ROBO2: variants seen among roughly 807,000 people sequenced by gnomAD.
ROBO2 encodes roundabout guidance receptor 2.
In ROBO2, 53 loss-of-function variants were observed where a neutral mutation model predicts 160.8. The ratio of observed to expected loss-of-function variants is 0.33; its 90% CI spans 0.26 to 0.41. The LOEUF (loss-of-function observed/expected upper bound fraction) is 0.41, where lower values mean the gene tolerates loss of function less well. ROBO2 is among the 10% of genes least tolerant of loss of function. The pLI, the probability that ROBO2 is intolerant of heterozygous loss-of-function variation, is 1.00. For missense variants in ROBO2, 1,577 were observed against 1,722.4 expected (o/e 0.92, Z 1.49); for synonymous variants, 664 against 611.7 (o/e 1.09, Z -1.26).
At chr3:76,610,353 C>T (rs2109067307) in intron 2 of ROBO2, among the ~76,000 whole-genome samples, 1 of 152,300 alleles carries the variant, frequency 6.6e-6, no homozygotes, top group Middle Eastern at 3.4e-3. Flanking sequence ...TCTCTTGGCT[C>T]ACATCCCCTG....
chr3:76,477,299 C>T (rs1002628626), intron 2 of ROBO2, among the ~76,000 whole-genome samples: 3 of 152,088 alleles, frequency 2.0e-5, no homozygotes, highest in South Asian at 4.1e-4. Context: ...ATATTTTTCT[C>T]GCCAATCTGT....
chr3:76,397,093 C>A (rs967464339), intron 2 of ROBO2, among the ~76,000 whole-genome samples: 1 of 152,124 alleles, frequency 6.6e-6, no homozygotes, highest in Non-Finnish European at 1.5e-5. Context: ...GCTACAGTAA[C>A]CAAAACGGCA....
chr3:76,842,621 T>C (rs1461821428), intron 2 of ROBO2, among the ~76,000 whole-genome samples: 2 of 152,236 alleles, frequency 1.3e-5, no homozygotes, highest in African/African-American at 4.8e-5. Flanking sequence ...CACACAATGC[T>C]TGACATGAAG....
At chr3:77,220,252 C>T (rs531895084) in intron 2 of ROBO2, among the ~76,000 whole-genome samples, 1 of 152,126 alleles carries the variant, frequency 6.6e-6, no homozygotes, top group Non-Finnish European at 1.5e-5. Context: ...CCTCATGATC[C>T]GCCCACCTTG....
intron 2 of ROBO2, among the ~76,000 whole-genome samples, chr3:77,322,362 G>A (rs2064807883): frequency 1.3e-5 from 2 of 152,202 alleles, no homozygotes; most frequent in South Asian, 2.1e-4. Context: ...GAGAAAGTTC[G>A]CTTCAACAGA....
chr3:77,549,069 T>C (rs1161626236), intron 7 of ROBO2, among the ~76,000 whole-genome samples: 1 of 151,916 alleles, frequency 6.6e-6, no homozygotes, highest in Non-Finnish European at 1.5e-5. Flanking sequence ...ACCCAGGCAC[T>C]CTCCAAGGCG....
At chr3:76,792,049 A>T (rs1003058250) in intron 2 of ROBO2, among the ~76,000 whole-genome samples, 3 of 151,918 alleles carry the variant, frequency 2.0e-5, no homozygotes, top group Non-Finnish European at 4.4e-5. Context: ...TAATTCAAGC[A>T]TTTGGAACTA....
At chr3:76,951,466 C>T (rs886690116) in intron 2 of ROBO2, among the ~76,000 whole-genome samples, 1 of 152,120 alleles carries the variant, frequency 6.6e-6, no homozygotes, top group African/African-American at 2.4e-5. Context: ...ACATATACCA[C>T]CCTGTGGTAA....
At chr3:76,704,733 G>C (rs2093123414) in intron 2 of ROBO2, among the ~76,000 whole-genome samples, 1 of 152,036 alleles carries the variant, frequency 6.6e-6, no homozygotes, top group South Asian at 2.1e-4. Flanking sequence ...TAGATGACCA[G>C]TTACACTGGG....
chr3:77,292,038 TG>T (rs1446072586), intron 2 of ROBO2, among the ~76,000 whole-genome samples: 1 of 150,784 alleles, frequency 6.6e-6, no homozygotes, highest in Non-Finnish European at 1.5e-5. Context: ...AAAGTAAAAT[TG>T]ACGGCTTAAC....
At chr3:76,578,169 G>A (rs1323353134) in intron 2 of ROBO2, among the ~76,000 whole-genome samples, 1 of 152,128 alleles carries the variant, frequency 6.6e-6, no homozygotes, top group Non-Finnish European at 1.5e-5. Context: ...TAACAATATT[G>A]TAGGGTCGTC....
exon 5 of ROBO2, chr3:77,493,266 G>T: frequency 6.2e-7 from 1 of 1,613,716 alleles, no homozygotes; most frequent in South Asian, 1.1e-5. Context: ...TTCTCAGGAG[G>T]CCAATTAACC....
At chr3:75,974,891 C>A (rs977498575) in intron 2 of ROBO2, among the ~76,000 whole-genome samples, 1 of 151,376 alleles carries the variant, frequency 6.6e-6, no homozygotes, top group Non-Finnish European at 1.5e-5. Flanking sequence ...GTAGAACATA[C>A]AGAGATGTGT....
intron 12 of ROBO2, among the ~76,000 whole-genome samples, chr3:77,566,163 A>T (rs2153664437): frequency 6.6e-6 from 1 of 152,196 alleles, no homozygotes; most frequent in Non-Finnish European, 1.5e-5. Flanking sequence ...TGCTATTATA[A>T]CGGAGAAGGG....
At chr3:77,022,966 C>T (rs960011433) in intron 2 of ROBO2, among the ~76,000 whole-genome samples, 2 of 152,082 alleles carry the variant, frequency 1.3e-5, no homozygotes, top group African/African-American at 4.8e-5. Context: ...CTCTCCTTAG[C>T]CTCTGACAAC....
At chr3:77,471,816 T>A (rs1488135797) in intron 2 of ROBO2, among the ~76,000 whole-genome samples, 1 of 152,128 alleles carries the variant, frequency 6.6e-6, no homozygotes, top group Non-Finnish European at 1.5e-5. Context: ...GAATAAGTGA[T>A]TTTTTTGAGG....
At chr3:76,423,835 C>A (rs767198290) in intron 2 of ROBO2, among the ~76,000 whole-genome samples, 1 of 152,020 alleles carries the variant, frequency 6.6e-6, no homozygotes, top group African/African-American at 2.4e-5. Context: ...GAGATAAAAA[C>A]GATCATTGTG....
At chr3:76,399,868 A>T (rs913141312) in intron 2 of ROBO2, among the ~76,000 whole-genome samples, 9 of 151,784 alleles carry the variant, frequency 5.9e-5, no homozygotes, top group Non-Finnish European at 2.9e-5. Flanking sequence ...TCATAGTATT[A>T]TAATACCATA....
chr3:77,010,060 G>T (rs1298333754), intron 2 of ROBO2, among the ~76,000 whole-genome samples: 1 of 150,726 alleles, frequency 6.6e-6, no homozygotes. Context: ...TAACTTAATT[G>T]CCATAAATAA....
Sources: allele counts gnomAD v4.1 joint callset (sites outside exome capture counted in the v4.1 genomes callset), GRCh38; gene constraint gnomAD v4.1.1; transcripts MANE v1.5; gene names NCBI Gene and HGNC (gene_info 2026-07-23, HGNC 2026-07-21).